Variants in ABCC3 observed in about 807,000 individuals in gnomAD.
ABCC3 encodes the protein ATP-binding cassette sub-family C member 3.
ABCC3 carries 121 observed loss-of-function variants against 165.3 expected under a neutral mutation model. The observed-to-expected ratio is 0.73, with a 90% confidence interval of 0.63 to 0.85. The LOEUF (loss-of-function observed/expected upper bound fraction) is 0.85, where lower values mean the gene tolerates loss of function less well. Among genes scored for constraint, ABCC3 ranks in the 40% least tolerant of loss-of-function variants. The pLI is 0.00. For synonymous variants in ABCC3, 733 were observed against 810.1 expected, an observed-to-expected ratio of 0.90 and a Z score of 1.62; for missense variants, 1,869 against 1,964.1, an observed-to-expected ratio of 0.95 and a Z score of 0.92.
chr17:50,638,483 G>A (rs2054199626), intron 1 of ABCC3, among the ~76,000 whole-genome samples: 1 of 152,168 alleles, frequency 6.6e-6, no homozygotes, highest in Non-Finnish European at 1.5e-5. Context: ...GCTGGAGAGA[G>A]GATTCAAGCC....
intron 1 of ABCC3, among the ~76,000 whole-genome samples, chr17:50,647,294 T>C (rs951099555): frequency 6.6e-6 from 1 of 152,240 alleles, no homozygotes; most frequent in African/African-American, 2.4e-5. Flanking sequence ...ATAGGACCTA[T>C]GTCCCTACAG....
rs139859012 is a variant in ABCC3, at chr17:50,683,898, G to A, written c.3955-51G>A. 3.0e-5 allele frequency: 48 copies of A among 1,593,284 alleles called. No individual in the cohort carries two copies. In the African/African-American group the frequency reaches 5.3e-4, roughly 18 times the overall value. ...GCCTCCAGGAGAGTCCTGGAGATGC[G>A]CCTTTGACCTCTCAGCTTCCCCCTC... On this transcript the variant is annotated intron_variant, in intron 27 of 30. Transcript: ENST00000285238.
chr17:50,658,352 A>G, intron 5 of ABCC3, 83 bp from the exon 6 acceptor site: 1 of 1,581,916 alleles, frequency 6.3e-7, no homozygotes, highest in Non-Finnish European at 8.7e-7. Flanking sequence ...GAGCAGGAAC[A>G]AGGGTCCCCT....
chr17:50,638,324 C>A (rs928015458), intron 1 of ABCC3, among the ~76,000 whole-genome samples: 1 of 152,156 alleles, frequency 6.6e-6, no homozygotes, highest in African/African-American at 2.4e-5. Context: ...GCAGAATTAG[C>A]CTTGATCTGA....
chr17:50,657,018 C>G lies in ABCC3; in HGVS notation c.349-28C>G, dbSNP rs1297836703. 1.9e-6 allele frequency: 3 copies of G among 1,607,074 alleles called. No homozygotes were observed. In the Admixed American group the frequency reaches 5.1e-5, roughly 27 times the overall value. ...GGCAGGTCCAGATGTGTGTGTTCTG[C>G]CCGGGCCTCCCTGCCCTCCCTGCAC... On this transcript the variant is annotated intron_variant, in intron 3 of 30. Transcript: ENST00000285238.
intron 1 of ABCC3, among the ~76,000 whole-genome samples, chr17:50,636,686 G>A (rs1267598408): frequency 6.6e-6 from 1 of 152,238 alleles, no homozygotes; most frequent in Non-Finnish European, 1.5e-5. Flanking sequence ...AGGGCTCATT[G>A]TTCCTGGGTA....
In ABCC3 at chr17:50,682,345, TAAA is replaced by T. The variant is rs35507460; in HGVS notation, c.3808-1247_3808-1245del. On this transcript the variant is annotated intron_variant, in intron 26 of 30. Coordinates refer to ENST00000285238, the MANE Select transcript of ABCC3 (RefSeq NM_003786.4). ...TTCTGCTTGTAGCTGCCAAGAGATT[TAAA>T]AAAAAAAAAAAAAAAAATCAAATCA... 3.3e-4 allele frequency among the ~76,000 whole-genome samples: 43 copies of T among 131,548 alleles called. 1 individual carries two copies. Among genetic ancestry groups the T allele is most frequent in the African/African-American group, 8.4e-4 (29 of 34,648 alleles). 86.3% of individuals were successfully genotyped at this position (131,548 alleles called of 152,430 possible).
chr17:50,691,183 G>T lies in ABCC3; in HGVS notation c.4567G>T (p.Asp1523Tyr). ...AGGCATCTTCTACGGGATGGCCAGA[G>T]ATGCTGGACTTGCCTAAAATATATT... ...ARGIFYGMAR[D>Y]AGLA Residue 1523 changes from aspartate to tyrosine, a missense_variant, in exon 31 of 31, where the codon GAT becomes TAT. Coordinates refer to ENST00000285238, the MANE Select transcript of ABCC3 (RefSeq NM_003786.4). The T allele has an allele frequency of 6.2e-7, 1 of 1,613,968 alleles. No homozygotes were observed. The highest frequency in any genetic ancestry group is 1.1e-5 in the South Asian group (1 of 91,074).
At chr17:50,680,164 C>G (rs1266494081) in intron 26 of ABCC3, among the ~76,000 whole-genome samples, 1 of 152,120 alleles carries the variant, frequency 6.6e-6, no homozygotes, top group African/African-American at 2.4e-5. Flanking sequence ...AGTGGATGAC[C>G]AGATCTCTGG....
At chr17:50,685,810 T>G (rs894250213) in intron 29 of ABCC3, among the ~76,000 whole-genome samples, 1 of 152,116 alleles carries the variant, frequency 6.6e-6, no homozygotes, top group African/African-American at 2.4e-5. Flanking sequence ...TTTCCCCTCC[T>G]CCCTTCCCTC....
At chr17:50,673,974 TTCTTTCTCTCTCTCTCTC>T (rs1967723182) in intron 19 of ABCC3, among the ~76,000 whole-genome samples, 1 of 13,268 alleles carries the variant, frequency 7.5e-5, no homozygotes, top group Non-Finnish European at 1.3e-4. Flanking sequence ...CTTTCTTTCT[TTCTTTCTCTCTCTCTCTC>T]TCTCTCTCTC....
chr17:50,676,215 T>A, intron 22 of ABCC3, 63 bp from the exon 23 acceptor site: 2 of 1,588,228 alleles, frequency 1.3e-6, no homozygotes, highest in Non-Finnish European at 1.7e-6. Context: ...GTGTCTCTGA[T>A]TCTGCCCCTT....
chr17:50,658,520 A>C (rs760528963), intron 6 of ABCC3, 24 bp downstream of exon 6: 3 of 1,607,314 alleles, frequency 1.9e-6, no homozygotes, highest in Admixed American at 3.3e-5. Context: ...TCCACCAGCC[A>C]GGCCAGAGGG....
chr17:50,652,629 C>G (rs1049835531), intron 1 of ABCC3, among the ~76,000 whole-genome samples: 1 of 152,144 alleles, frequency 6.6e-6, no homozygotes, highest in African/African-American at 2.4e-5. Context: ...CAAAGTTAAC[C>G]CATTTTTCCA....
At chr17:50,665,608 C>CTT (rs201547164) in intron 11 of ABCC3, among the ~76,000 whole-genome samples, 2 of 142,298 alleles carry the variant, frequency 1.4e-5, no homozygotes, top group Admixed American at 1.4e-4. Context: ...TGTTTTTTTT[C>CTT]TTTTTTTTTT....
intron 1 of ABCC3, among the ~76,000 whole-genome samples, chr17:50,651,689 G>T (rs1009431931): frequency 2.0e-5 from 3 of 152,156 alleles, no homozygotes; most frequent in Admixed American, 6.5e-5. Context: ...CTTGCCACTT[G>T]CACTCCAGAG....
intron 5 of ABCC3, 99 bp from the exon 6 acceptor site, chr17:50,658,336 G>A (rs773449356): frequency 6.3e-7 from 1 of 1,583,982 alleles, no homozygotes; most frequent in Non-Finnish European, 8.7e-7. Flanking sequence ...TGTAAACTGG[G>A]GCTTGGAGCA....
intron 1 of ABCC3, among the ~76,000 whole-genome samples, chr17:50,647,299 C>G (rs1269734700): frequency 6.6e-6 from 1 of 152,244 alleles, no homozygotes; most frequent in Non-Finnish European, 1.5e-5. Context: ...ACCTATGTCC[C>G]TACAGGTGTC....
At chr17:50,678,334 C>A in intron 25 of ABCC3, 115 bp downstream of exon 25, 12 of 1,123,536 alleles carry the variant, frequency 1.1e-5, no homozygotes, top group Non-Finnish European at 1.4e-5. Flanking sequence ...GCCACAGGGT[C>A]TGTTCTCAAG....
Sources: allele counts gnomAD v4.1 joint callset (sites outside exome capture counted in the v4.1 genomes callset), GRCh38; gene constraint gnomAD v4.1.1; transcripts MANE v1.5; gene names NCBI Gene and HGNC (gene_info 2026-07-23, HGNC 2026-07-21).